Variants in COL4A4 observed in about 807,000 individuals in gnomAD.
The protein encoded by COL4A4 is collagen type IV alpha 4 chain.
Under a neutral mutation model 192.9 loss-of-function variants are expected in COL4A4, and 105 were observed. That is an observed-to-expected ratio of 0.54 (90% CI 0.46 to 0.64). COL4A4 has a LOEUF of 0.64. COL4A4 is among the 30% of genes least tolerant of loss of function. The pLI, the probability that COL4A4 is intolerant of heterozygous loss-of-function variation, is 0.00. For synonymous variants in COL4A4, 762 were observed against 769.9 expected (o/e 0.99, Z 0.17); for missense variants, 1,967 against 2,169.3 (o/e 0.91, Z 1.85).
the COL4A4 span, among the ~76,000 whole-genome samples, chr2:226,985,557 G>A: frequency 1.7e-3 from 254 of 152,362 alleles, no homozygotes; most frequent in African/African-American, 6.1e-3. Flanking sequence ...TGAAACTCGG[G>A]TGGATATGTT....
chr2:227,160,796 T>G (rs2064765761), intron 1 of COL4A4, among the ~76,000 whole-genome samples: 1 of 152,162 alleles, frequency 6.6e-6, no homozygotes, highest in Non-Finnish European at 1.5e-5. Flanking sequence ...CAGATGATAG[T>G]GCAAGGCAGG....
At chr2:227,025,730 GA>G in intron 43 of COL4A4, 71 bp downstream of exon 43, 1 of 1,380,972 alleles carries the variant, frequency 7.2e-7, no homozygotes, top group Non-Finnish European at 1.0e-6. Flanking sequence ...ACATACAGAG[GA>G]AAAAGGACAA....
At chr2:227,133,278 A>G (rs1362161302) in intron 4 of COL4A4, among the ~76,000 whole-genome samples, 1 of 152,200 alleles carries the variant, frequency 6.6e-6, no homozygotes, top group Non-Finnish European at 1.5e-5. Flanking sequence ...CCAAACCACA[A>G]CTAGGATTCC....
At chr2:226,975,090 A>G in the COL4A4 span, among the ~76,000 whole-genome samples, 2 of 152,180 alleles carry the variant, frequency 1.3e-5, no homozygotes, top group African/African-American at 2.4e-5. Context: ...CCTTCCATTT[A>G]GTTGGCAGTT....
At chr2:227,149,676 G>T (rs192778143) in intron 1 of COL4A4, among the ~76,000 whole-genome samples, 1 of 152,250 alleles carries the variant, frequency 6.6e-6, no homozygotes, top group African/African-American at 2.4e-5. Context: ...AAAACAAGAG[G>T]TATTTACATT....
At chr2:227,020,313 T>G (rs1293275425) in intron 44 of COL4A4, among the ~76,000 whole-genome samples, 1 of 152,116 alleles carries the variant, frequency 6.6e-6, no homozygotes, top group African/African-American at 2.4e-5. Context: ...TGACAGAACT[T>G]TATGCATGCA....
At chr2:227,052,914 A>G (rs914517861) in intron 31 of COL4A4, among the ~76,000 whole-genome samples, 1 of 152,110 alleles carries the variant, frequency 6.6e-6, no homozygotes, top group Admixed American at 6.5e-5. Flanking sequence ...TTTTGCAAAC[A>G]CTGGCCAGCT....
rs550708531 is a variant in COL4A4, at chr2:227,137,099, G to A, written c.192+3062C>T. 3.3e-5 allele frequency among the ~76,000 whole-genome samples: 5 copies of A among 152,304 alleles called. No homozygotes were observed. In the South Asian group the frequency reaches 8.3e-4, roughly 25 times the overall value. ...CAGGCTCCCTGTTGTGGCACACACA[G>A]CTCTCCTTGACCACGCAGACACAAA... On this transcript the variant is annotated intron_variant, in intron 4 of 47. Transcript: ENST00000396625.
At chr2:227,142,645 T>A (rs1384780186) in intron 3 of COL4A4, among the ~76,000 whole-genome samples, 1 of 151,652 alleles carries the variant, frequency 6.6e-6, no homozygotes, top group Non-Finnish European at 1.5e-5. Flanking sequence ...GAATCCCAGC[T>A]ACTCAGGAGG....
Position 227,057,582 on chromosome 2 carries a change from C to T in COL4A4, c.2402G>A (p.Gly801Glu). 2 of 1,614,120 alleles carry T rather than the reference C, an allele frequency of 1.2e-6. No homozygotes were observed. The highest frequency in any genetic ancestry group is 1.7e-6 in the Non-Finnish European group (2 of 1,180,028). The change falls in exon 29 of 48, where the codon GGA (glycine) becomes GAA (glutamate). Residue 801 changes from glycine to glutamate, a missense_variant. Coordinates refer to ENST00000396625, the MANE Select transcript of COL4A4 (RefSeq NM_000092.5). ...PGAEGPAGIP[G>E]FLGLKGPKGR... ...TTTGGGACCTTTGAGACCTAGGAAT[C>T]CAGGAATGCCAGCTGGCCCTGAAAT...
rs35717623 is a variant in COL4A4 at position 227,062,473 on chromosome 2, GTT to G, written c.2056+55_2056+56del. On this transcript the variant is annotated intron_variant, in intron 26 of 47. Coordinates refer to ENST00000396625, the MANE Select transcript of COL4A4 (RefSeq NM_000092.5). The stretch of plus-strand genomic sequence containing the variant: ...CACTCTTGGTTTATCTGTCTGGCTG[GTT>G]TTTTTTTTTTTACTCTGGGAAGTAT... The G allele has an allele frequency of 0.034, 30,876 of 898,656 alleles. 178 individuals are homozygous for G. Among genetic ancestry groups the G allele is most frequent in the African/African-American group, 0.092 (5,495 of 59,452 alleles). The allele number at this position is 898,656 out of a possible 1,614,324, so 55.7% of individuals were successfully genotyped here. A position where few individuals can be genotyped will look rare whatever the true frequency, so the allele number is the denominator to read the frequency against.
At chr2:227,017,507 C>T (rs180888075) in intron 44 of COL4A4, among the ~76,000 whole-genome samples, 7 of 152,328 alleles carry the variant, frequency 4.6e-5, no homozygotes, top group African/African-American at 1.7e-4. Context: ...GGTGTGGGTA[C>T]ATCCATTAGG....
At chr2:227,053,543 C>CTTTTTT (rs56724633) in intron 31 of COL4A4, among the ~76,000 whole-genome samples, 378 of 102,136 alleles carry the variant, frequency 3.7e-3, no homozygotes, top group Non-Finnish European at 5.4e-3. Context: ...TTTTCTTTTT[C>CTTTTTT]TTTTTTTTTT....
At chr2:227,161,423 A>G (rs1393330580) in intron 1 of COL4A4, among the ~76,000 whole-genome samples, 1 of 152,248 alleles carries the variant, frequency 6.6e-6, no homozygotes, top group Admixed American at 6.5e-5. Context: ...TGAATGTACG[A>G]AAAGAACCAT....
chr2:227,026,442 TGAGCCGAGATC>T (rs1966862871), intron 42 of COL4A4, among the ~76,000 whole-genome samples: 1 of 147,416 alleles, frequency 6.8e-6, no homozygotes, highest in South Asian at 2.1e-4. Flanking sequence ...GAGCTTGCAG[TGAGCCGAGATC>T]GCACCACTGC....
Position 227,005,574 on chromosome 2 carries a change from A to AT in COL4A4, c.*1750dup, listed in dbSNP as rs954540278. ...GAAAATATTTCATCTTAAAATACAC[A>AT]TTTTTCTTTTTACCAGAAAATACTC... On this transcript the variant is annotated 3_prime_UTR_variant, in exon 48 of 48. Coordinates refer to ENST00000396625, the MANE Select transcript of COL4A4 (RefSeq NM_000092.5). The AT allele has an allele frequency of 6.6e-6, 1 of 152,116 alleles. No individual in the cohort carries two copies. The highest frequency in any genetic ancestry group is 6.5e-5 in the Admixed American group (1 of 15,280). The allele number at this position is 152,116 out of a possible 1,614,324, so 9.4% of individuals were successfully genotyped here. A position where few individuals can be genotyped will look rare whatever the true frequency, so the allele number is the denominator to read the frequency against.
the COL4A4 span, among the ~76,000 whole-genome samples, chr2:226,977,738 T>C: frequency 6.6e-6 from 1 of 152,244 alleles, no homozygotes; most frequent in Non-Finnish European, 1.5e-5. Flanking sequence ...AGAGTCTTCA[T>C]TGCTAATTGA....
At chr2:226,988,970 T>G in the COL4A4 span, among the ~76,000 whole-genome samples, 3 of 152,228 alleles carry the variant, frequency 2.0e-5, no homozygotes, top group Non-Finnish European at 2.9e-5. Context: ...GTTTCTGCTG[T>G]CTTTTAAACA....
At chr2:227,042,774 C>T (rs1971713185) in intron 36 of COL4A4, among the ~76,000 whole-genome samples, 1 of 152,020 alleles carries the variant, frequency 6.6e-6, no homozygotes. Context: ...AGAGTGAGGC[C>T]CTCTCTCTCT....
Sources: allele counts gnomAD v4.1 joint callset (sites outside exome capture counted in the v4.1 genomes callset), GRCh38; gene constraint gnomAD v4.1.1; transcripts MANE v1.5; gene names NCBI Gene and HGNC (gene_info 2026-07-23, HGNC 2026-07-21).